Variants in SGCZ observed in about 807,000 individuals in gnomAD.
The protein encoded by SGCZ is sarcoglycan zeta, also known as zeta-sarcoglycan.
Under a neutral mutation model 41.3 loss-of-function variants are expected in SGCZ, and 40 were observed. That is an observed-to-expected ratio of 0.97 (90% CI 0.75 to 1.26). The LOEUF (loss-of-function observed/expected upper bound fraction) is 1.26. Among genes scored for constraint, SGCZ ranks in the 50% most tolerant of loss-of-function variants. SGCZ has a pLI of 0.00. For synonymous variants in SGCZ, 206 were observed against 137.5 expected (o/e 1.50, Z -3.49); for missense variants, 552 against 369.8 (o/e 1.49, Z -4.04).
At chr8:14,649,620 C>G (rs1016255118) in intron 1 of SGCZ, among the ~76,000 whole-genome samples, 1 of 151,936 alleles carries the variant, frequency 6.6e-6, no homozygotes, top group Non-Finnish European at 1.5e-5. Flanking sequence ...ACCTAACTGT[C>G]GAAAGCTCAG....
intron 1 of SGCZ, among the ~76,000 whole-genome samples, chr8:14,757,669 A>T (rs1304774831): frequency 1.3e-5 from 2 of 152,226 alleles, no homozygotes; most frequent in Non-Finnish European, 2.9e-5. Context: ...TCGGTTTCAC[A>T]GCAACTCTAG....
At position 14,088,700 on chromosome 8, in the gene SGCZ, C is replaced by T. The variant is rs1801600400; in HGVS notation, c.*1743G>A. On this transcript the variant is annotated 3_prime_UTR_variant, in exon 8 of 8. Transcript: ENST00000382080. ...TAACAGTAATAAATTAGCCTTTGAACCCTTCTGCTGAGTACAGTGGAAATG... is the reference window on the plus strand; with the variant it reads ...TAACAGTAATAAATTAGCCTTTGAATCCTTCTGCTGAGTACAGTGGAAATG... 1.3e-5 allele frequency among the ~76,000 whole-genome samples: 2 copies of T among 151,732 alleles called. No homozygotes were observed. The highest frequency in any genetic ancestry group is 4.1e-4 in the South Asian group (2 of 4,828).
intron 1 of SGCZ, among the ~76,000 whole-genome samples, chr8:14,771,629 TA>T (rs1211616968): frequency 1.3e-5 from 2 of 152,068 alleles, no homozygotes; most frequent in Non-Finnish European, 2.9e-5. Context: ...TAGGTAACAA[TA>T]TATCATTTAA....
intron 1 of SGCZ, among the ~76,000 whole-genome samples, chr8:15,121,131 T>C (rs1585584914): frequency 6.6e-6 from 1 of 152,216 alleles, no homozygotes; most frequent in African/African-American, 2.4e-5. Flanking sequence ...TCGCACTCAA[T>C]GTATGATGCA....
chr8:14,959,230 A>G (rs1800887620), intron 1 of SGCZ, among the ~76,000 whole-genome samples: 1 of 152,140 alleles, frequency 6.6e-6, no homozygotes, highest in Admixed American at 6.5e-5. Context: ...CATGATATGT[A>G]ATTGGTAGAT....
intron 1 of SGCZ, among the ~76,000 whole-genome samples, chr8:14,844,849 A>C (rs185348987): frequency 1.8e-4 from 28 of 152,302 alleles, no homozygotes; most frequent in African/African-American, 6.7e-4. Context: ...TGACCTCTGA[A>C]AGACTGGAAA....
At chr8:14,588,161 T>C (rs753137737) in intron 1 of SGCZ, among the ~76,000 whole-genome samples, 4 of 149,724 alleles carry the variant, frequency 2.7e-5, no homozygotes, top group Non-Finnish European at 4.4e-5. Flanking sequence ...AATTAGAATA[T>C]GATAAAATTT....
intron 1 of SGCZ, among the ~76,000 whole-genome samples, chr8:14,566,103 CA>C (rs1435519773): frequency 1.3e-5 from 2 of 152,072 alleles, no homozygotes; most frequent in Non-Finnish European, 2.9e-5. Context: ...CTGCTTTAAA[CA>C]AATGAAACAG....
chr8:14,279,385 G>C (rs1384037288), intron 3 of SGCZ, among the ~76,000 whole-genome samples: 1 of 151,890 alleles, frequency 6.6e-6, no homozygotes, highest in Non-Finnish European at 1.5e-5. Context: ...CTGCATTTCA[G>C]GTTATCACAA....
chr8:15,042,334 G>C (rs78293136), intron 1 of SGCZ, among the ~76,000 whole-genome samples: 1 of 152,226 alleles, frequency 6.6e-6, no homozygotes, highest in Non-Finnish European at 1.5e-5. Context: ...CTCTGTGTCA[G>C]CTCCCTGTCT....
At chr8:14,300,828 C>T (rs1801161309) in intron 3 of SGCZ, among the ~76,000 whole-genome samples, 1 of 151,760 alleles carries the variant, frequency 6.6e-6, no homozygotes, top group Admixed American at 6.6e-5. Flanking sequence ...TATTTGTTTC[C>T]TTGCTATTGA....
chr8:14,394,396 G>C (rs569681827), intron 2 of SGCZ, among the ~76,000 whole-genome samples: 1 of 152,052 alleles, frequency 6.6e-6, no homozygotes, highest in African/African-American at 2.4e-5. Flanking sequence ...TGATCCACCC[G>C]CCTCGGCCTT....
chr8:14,811,875 T>C (rs1216008685), intron 1 of SGCZ, among the ~76,000 whole-genome samples: 2 of 152,020 alleles, frequency 1.3e-5, no homozygotes, highest in Non-Finnish European at 1.5e-5. Flanking sequence ...TATCACTGCT[T>C]TTATTTCAAT....
chr8:14,314,478 T>C (rs1250892995), intron 3 of SGCZ, among the ~76,000 whole-genome samples: 6 of 152,292 alleles, frequency 3.9e-5, no homozygotes, highest in Admixed American at 3.3e-4. Context: ...GTTCCAGTCA[T>C]AGTATTGACT....
intron 3 of SGCZ, among the ~76,000 whole-genome samples, chr8:14,280,427 T>G (rs2116915248): frequency 6.6e-6 from 1 of 151,960 alleles, no homozygotes; most frequent in Admixed American, 6.5e-5. Context: ...AAATTCTACC[T>G]TTTAAAAGGA....
At chr8:14,794,835 T>C (rs1025716727) in intron 1 of SGCZ, among the ~76,000 whole-genome samples, 1 of 152,186 alleles carries the variant, frequency 6.6e-6, no homozygotes, top group Non-Finnish European at 1.5e-5. Context: ...TGCCCTCAGA[T>C]TTCTGAACAG....
At chr8:15,108,313 A>G (rs1806910982) in intron 1 of SGCZ, among the ~76,000 whole-genome samples, 1 of 152,180 alleles carries the variant, frequency 6.6e-6, no homozygotes. Context: ...TTAAATTTTT[A>G]TCAAACGCAG....
rs33955290 is a variant in SGCZ at position 14,766,727 on chromosome 8, ATT to A, written c.40-211803_40-211802del. 5.1e-3 allele frequency among the ~76,000 whole-genome samples: 475 copies of A among 92,790 alleles called. 2 individuals are homozygous for A. The highest frequency in any genetic ancestry group is 0.026 in the South Asian group (69 of 2,652). 60.9% of individuals were successfully genotyped at this position (92,790 alleles called of 152,430 possible). On this transcript the variant is annotated intron_variant, in intron 1 of 7. Coordinates refer to ENST00000382080, the MANE Select transcript of SGCZ (RefSeq NM_139167.4). Reference sequence around the variant, plus strand: ...CAGGCACCTGTCACCATGTCCAGCTATTTTTTTTTTTTTTTTTTTTTTGTATT... The same window carrying A: ...CAGGCACCTGTCACCATGTCCAGCTATTTTTTTTTTTTTTTTTTTTGTATT...
At chr8:15,004,087 A>G (rs1410987862) in intron 1 of SGCZ, among the ~76,000 whole-genome samples, 1 of 152,084 alleles carries the variant, frequency 6.6e-6, no homozygotes, top group Non-Finnish European at 1.5e-5. Context: ...AGAGGAGGAG[A>G]AATACCTGTG....
Sources: allele counts gnomAD v4.1 joint callset (sites outside exome capture counted in the v4.1 genomes callset), GRCh38; gene constraint gnomAD v4.1.1; transcripts MANE v1.5; gene names NCBI Gene and HGNC (gene_info 2026-07-23, HGNC 2026-07-21).